EXOC4: variants seen among roughly 807,000 people sequenced by gnomAD.
EXOC4 encodes exocyst complex component 4.
Under a neutral mutation model 107.2 loss-of-function variants are expected in EXOC4, and 71 were observed. That is an observed-to-expected ratio of 0.66 (90% confidence interval 0.55 to 0.81). The LOEUF is 0.81. Among genes scored for constraint, EXOC4 ranks in the 30% least tolerant of loss-of-function variants. The probability of loss-of-function intolerance (pLI) is 0.00; values close to 1 mark genes in which losing one functional copy is unlikely to be tolerated. For missense variants in EXOC4, 1,108 were observed against 1,189.6 expected (o/e 0.93, Z 1.01); for synonymous variants, 456 against 441.2 (o/e 1.03, Z -0.42).
intron 11 of EXOC4, among the ~76,000 whole-genome samples, chr7:133,853,163 T>C (rs1001037143): frequency 3.9e-5 from 6 of 152,160 alleles, no homozygotes; most frequent in African/African-American, 1.4e-4. Context: ...TTTGGAACAA[T>C]GCCATTCTTT....
chr7:133,761,588 G>T (rs1009463644), intron 10 of EXOC4, among the ~76,000 whole-genome samples: 6 of 152,116 alleles, frequency 3.9e-5, no homozygotes, highest in Admixed American at 3.9e-4. Flanking sequence ...CCCACGGCTG[G>T]CTTTGGCAAC....
chr7:133,432,777 T>G (rs1021875842), intron 7 of EXOC4, among the ~76,000 whole-genome samples: 3 of 152,246 alleles, frequency 2.0e-5, no homozygotes, highest in African/African-American at 7.2e-5. Flanking sequence ...CTTGGTATGA[T>G]CTTTCCTGCT....
chr7:133,757,243 C>T (rs1250172581), intron 10 of EXOC4, among the ~76,000 whole-genome samples: 2 of 152,074 alleles, frequency 1.3e-5, no homozygotes, highest in Non-Finnish European at 2.9e-5. Context: ...TGAATGTGAG[C>T]CATTGAACAC....
At chr7:133,686,990 ATTTTGTGTGT>A (rs763245070) in intron 10 of EXOC4, among the ~76,000 whole-genome samples, 1 of 62,064 alleles carries the variant, frequency 1.6e-5, no homozygotes, top group African/African-American at 5.7e-5. Context: ...GGGATAAAGA[ATTTTGTGTGT>A]GTGTGTGTGT....
intron 10 of EXOC4, among the ~76,000 whole-genome samples, chr7:133,684,107 CT>C (rs1471785718): frequency 6.6e-6 from 1 of 152,108 alleles, no homozygotes; most frequent in African/African-American, 2.4e-5. Flanking sequence ...GACACCTCTA[CT>C]TTAACGAACT....
At chr7:133,622,659 A>G (rs966596794) in intron 9 of EXOC4, among the ~76,000 whole-genome samples, 1 of 151,996 alleles carries the variant, frequency 6.6e-6, no homozygotes, top group African/African-American at 2.4e-5. Context: ...CTTAAGCTTC[A>G]CCTACATTTA....
At chr7:134,058,599 T>C (rs1252303873) in intron 17 of EXOC4, among the ~76,000 whole-genome samples, 1 of 152,250 alleles carries the variant, frequency 6.6e-6, no homozygotes, top group East Asian at 1.9e-4. Flanking sequence ...TCCAGTGTTG[T>C]TCAGATATAA....
intron 11 of EXOC4, among the ~76,000 whole-genome samples, chr7:133,872,005 A>G (rs1387835418): frequency 6.6e-6 from 1 of 152,144 alleles, no homozygotes; most frequent in Non-Finnish European, 1.5e-5. Context: ...CCAGAAGGAG[A>G]ACAGCAACAG....
chr7:133,689,764 G>A (rs970961940), intron 10 of EXOC4, among the ~76,000 whole-genome samples: 4 of 152,220 alleles, frequency 2.6e-5, no homozygotes, highest in African/African-American at 9.6e-5. Context: ...CTCAGAAAGA[G>A]GGCTCAGAGG....
intron 4 of EXOC4, among the ~76,000 whole-genome samples, chr7:133,311,163 CTG>C (rs1161257729): frequency 6.6e-6 from 1 of 152,022 alleles, no homozygotes; most frequent in Admixed American, 6.6e-5. Context: ...AATTTTGAAA[CTG>C]TCAAATGAAA....
At chr7:133,349,017 C>G (rs1032002663) in intron 5 of EXOC4, among the ~76,000 whole-genome samples, 1 of 152,034 alleles carries the variant, frequency 6.6e-6, no homozygotes, top group South Asian at 2.1e-4. Flanking sequence ...ATCTAATGAG[C>G]TTAGTAAGAT....
chr7:133,648,701 G>T (rs1562890791), intron 10 of EXOC4, among the ~76,000 whole-genome samples: 1 of 152,142 alleles, frequency 6.6e-6, no homozygotes, highest in Non-Finnish European at 1.5e-5. Flanking sequence ...TTTGGAAAAG[G>T]TCGAATAAAG....
At chr7:133,995,950 T>C (rs554773371) in intron 14 of EXOC4, among the ~76,000 whole-genome samples, 1 of 152,296 alleles carries the variant, frequency 6.6e-6, no homozygotes, top group East Asian at 1.9e-4. Context: ...CCTCACCAAT[T>C]CCCATGTTCC....
At chr7:133,569,830 A>C (rs1431064313) in intron 9 of EXOC4, among the ~76,000 whole-genome samples, 2 of 152,156 alleles carry the variant, frequency 1.3e-5, no homozygotes, top group Non-Finnish European at 2.9e-5. Context: ...CTTCCAGTGA[A>C]TGTGTGGCTT....
intron 10 of EXOC4, among the ~76,000 whole-genome samples, chr7:133,779,606 A>G (rs1488294741): frequency 6.6e-6 from 1 of 152,174 alleles, no homozygotes; most frequent in African/African-American, 2.4e-5. Flanking sequence ...GGTTTGTAAA[A>G]TGCACCAATC....
At chr7:133,743,285 G>A (rs1360795805) in intron 10 of EXOC4, among the ~76,000 whole-genome samples, 3 of 152,124 alleles carry the variant, frequency 2.0e-5, no homozygotes, top group African/African-American at 7.2e-5. Context: ...GAAAAATAGG[G>A]CCTGATTGAA....
chr7:133,988,575 C>G (rs867521426), intron 14 of EXOC4, among the ~76,000 whole-genome samples: 1 of 152,052 alleles, frequency 6.6e-6, no homozygotes, highest in Non-Finnish European at 1.5e-5. Context: ...ATGGAATATA[C>G]CTTCTATTCT....
At chr7:133,711,292 C>T (rs1794888132) in intron 10 of EXOC4, among the ~76,000 whole-genome samples, 1 of 152,198 alleles carries the variant, frequency 6.6e-6, no homozygotes, top group Non-Finnish European at 1.5e-5. Context: ...GGCCACTAAA[C>T]ATTTCAATTT....
At chr7:133,516,474 TTTCAC>T (rs1195648055) in intron 9 of EXOC4, among the ~76,000 whole-genome samples, 3 of 152,186 alleles carry the variant, frequency 2.0e-5, no homozygotes, top group African/African-American at 7.2e-5. Context: ...GACTGGCTTT[TTTCAC>T]TTAGGTCTTC....
Sources: allele counts gnomAD v4.1 joint callset (sites outside exome capture counted in the v4.1 genomes callset), GRCh38; gene constraint gnomAD v4.1.1; transcripts MANE v1.5; gene names NCBI Gene and HGNC (gene_info 2026-07-23, HGNC 2026-07-21).